The following TMEM178B variants were observed in gnomAD, a reference collection of about 807,000 sequenced individuals.
TMEM178B encodes the protein transmembrane protein 178B.
TMEM178B carries 5 observed loss-of-function variants against 31.0 expected under a neutral mutation model. The ratio of observed to expected loss-of-function variants is 0.16; its 90% CI spans 0.08 to 0.34. TMEM178B has a LOEUF of 0.34. Ranked by LOEUF, TMEM178B falls within the 10% of genes least tolerant of loss-of-function variation. TMEM178B has a pLI of 1.00. For synonymous variants in TMEM178B, 164 were observed against 164.0 expected (o/e 1.00, Z 0.00); for missense variants, 275 against 400.3 (o/e 0.69, Z 2.67).
chr7:141,311,945 C>A (rs950872327), intron 2 of TMEM178B, among the ~76,000 whole-genome samples: 2 of 152,150 alleles, frequency 1.3e-5, no homozygotes, highest in African/African-American at 4.8e-5. Context: ...GATGCATCCC[C>A]AAAGAATGTA....
chr7:141,389,433 A>G (rs1800494013), intron 2 of TMEM178B, among the ~76,000 whole-genome samples: 1 of 152,238 alleles, frequency 6.6e-6, no homozygotes, highest in Non-Finnish European at 1.5e-5. Context: ...CCATTTGTAC[A>G]GCCTAAAGGA....
intron 1 of TMEM178B, among the ~76,000 whole-genome samples, chr7:141,138,738 T>G (rs1563097674): frequency 1.3e-5 from 2 of 151,838 alleles, no homozygotes; most frequent in Non-Finnish European, 2.9e-5. Flanking sequence ...ATCCCAGCAC[T>G]TTGGGAGGCT....
intron 1 of TMEM178B, among the ~76,000 whole-genome samples, chr7:141,136,430 A>C (rs1237741430): frequency 3.9e-5 from 6 of 152,316 alleles, no homozygotes; most frequent in African/African-American, 1.2e-4. Context: ...TGATGAAAAC[A>C]TAGGGGAATT....
chr7:141,374,034 A>G (rs569983436), intron 2 of TMEM178B, among the ~76,000 whole-genome samples: 1 of 152,240 alleles, frequency 6.6e-6, no homozygotes, highest in African/African-American at 2.4e-5. Context: ...TTTATTCCTT[A>G]AAGAGTGGCT....
intron 1 of TMEM178B, among the ~76,000 whole-genome samples, chr7:141,114,784 G>C (rs1046905395): frequency 1.3e-5 from 2 of 152,178 alleles, no homozygotes; most frequent in Admixed American, 6.5e-5. Flanking sequence ...CTGCTTAAGC[G>C]GGGAATTCAG....
At chr7:141,194,507 G>A (rs1004401771) in intron 1 of TMEM178B, among the ~76,000 whole-genome samples, 13 of 152,330 alleles carry the variant, frequency 8.5e-5, no homozygotes, top group Admixed American at 8.5e-4. Flanking sequence ...AGGTCATGTT[G>A]ATGCTAGAGG....
chr7:141,455,340 C>A (rs1347861780), intron 3 of TMEM178B, among the ~76,000 whole-genome samples: 1 of 152,190 alleles, frequency 6.6e-6, no homozygotes, highest in East Asian at 1.9e-4. Flanking sequence ...CTCCTTGGGG[C>A]CACATTGGAT....
In TMEM178B at chr7:141,373,292, G is replaced by A. The variant is rs1276521099; in HGVS notation, c.497-64316G>A. Among the ~76,000 whole-genome samples the A allele has an allele frequency of 2.6e-5, 4 of 152,214 alleles. No individual in the cohort carries two copies. In the East Asian group the frequency reaches 7.7e-4, roughly 29 times the overall value. ...AGAGAAAGGTTACAGATGAGATGAAGTCTATGAGATGTGATCCTCGGACCC... is the reference window on the plus strand; with the variant it reads ...AGAGAAAGGTTACAGATGAGATGAAATCTATGAGATGTGATCCTCGGACCC... On this transcript the variant is annotated intron_variant, in intron 2 of 3. Transcript: ENST00000565468.
intron 3 of TMEM178B, among the ~76,000 whole-genome samples, chr7:141,449,051 T>A (rs1226845470): frequency 6.6e-6 from 1 of 152,164 alleles, no homozygotes; most frequent in Non-Finnish European, 1.5e-5. Context: ...TGGAATGTGA[T>A]GATGACTCCA....
chr7:141,257,708 C>T (rs4726440), intron 2 of TMEM178B, among the ~76,000 whole-genome samples: 66,941 of 151,870 alleles, frequency 0.44, 14,977 homozygotes, highest in East Asian at 0.67. Flanking sequence ...AGAAGCTCTA[C>T]GGCATATAGT....
At position 141,423,006 on chromosome 7, in the gene TMEM178B, G is replaced by A. The variant is rs1384668373; in HGVS notation, c.497-14602G>A. Reference sequence around the variant, plus strand: ...AAAATGTTCTATTAGCCACCTTACAGACACAAAAAGAAACAGGTAAAATTA... The same window carrying A: ...AAAATGTTCTATTAGCCACCTTACAAACACAAAAAGAAACAGGTAAAATTA... On this transcript the variant is annotated intron_variant, in intron 2 of 3. Coordinates refer to ENST00000565468, the MANE Select transcript of TMEM178B (RefSeq NM_001195278.2). Among the ~76,000 whole-genome samples, 4 of 152,222 alleles carry A rather than the reference G, an allele frequency of 2.6e-5. No homozygotes were observed. The East Asian group carries it at 5.8e-4, about 22-fold the overall frequency.
Position 141,344,650 on chromosome 7 carries a change from C to G in TMEM178B, c.497-92958C>G, listed in dbSNP as rs372866366. Among the ~76,000 whole-genome samples, 38 of 145,036 alleles carry G rather than the reference C, an allele frequency of 2.6e-4. No homozygotes were observed. Among genetic ancestry groups the G allele is most frequent in the Middle Eastern group, 7.0e-3 (2 of 284 alleles). On this transcript the variant is annotated intron_variant, in intron 2 of 3. Transcript: ENST00000565468. This position sits in a 1 kb window ranked among gnomAD's most constrained non-coding sequence, Gnocchi z 4.1. ...TTCCTCCCTTCCTTCTTCCCTTCAT[C>G]AAAAGACCTCTCAGAGGGAGGAACA...
intron 1 of TMEM178B, among the ~76,000 whole-genome samples, chr7:141,176,671 C>T (rs1450949080): frequency 1.3e-5 from 2 of 152,102 alleles, no homozygotes; most frequent in Non-Finnish European, 2.9e-5. Flanking sequence ...TCAATTTCTT[C>T]CTGGTTTAGT....
chr7:141,220,341 TAATAATAATAATAATAATAA>T lies in TMEM178B; in HGVS notation c.496+7646_496+7665del, dbSNP rs1162474676. On this transcript the variant is annotated intron_variant, in intron 2 of 3. Coordinates refer to ENST00000565468, the MANE Select transcript of TMEM178B (RefSeq NM_001195278.2). ...ATAATAATAATAATAATAATAATAA[TAATAATAATAATAATAATAA>T]AATAATAAATGCATGTGCATGTACA... Among the ~76,000 whole-genome samples the T allele has an allele frequency of 1.6e-3, 101 of 64,644 alleles. 1 individual carries two copies. In the South Asian group the frequency reaches 0.055, roughly 35 times the overall value. 42.4% of individuals were successfully genotyped at this position (64,644 alleles called of 152,430 possible).
chr7:141,490,074 G>A, the TMEM178B span, among the ~76,000 whole-genome samples: 4 of 152,114 alleles, frequency 2.6e-5, no homozygotes, highest in African/African-American at 9.7e-5. Flanking sequence ...TAGTGAGGAG[G>A]GGCTCCTAGG....
chr7:141,285,859 G>A (rs898671292), intron 2 of TMEM178B, among the ~76,000 whole-genome samples: 12 of 152,098 alleles, frequency 7.9e-5, no homozygotes, highest in East Asian at 1.9e-4. Flanking sequence ...ACCAAACACC[G>A]CATGTTCTCA....
chr7:141,269,381 C>T (rs927247995), intron 2 of TMEM178B, among the ~76,000 whole-genome samples: 1 of 152,142 alleles, frequency 6.6e-6, no homozygotes, highest in Non-Finnish European at 1.5e-5. Context: ...AGGCACGAGC[C>T]ACTGTGCCTG....
At chr7:141,421,309 G>C (rs139283476) in intron 2 of TMEM178B, among the ~76,000 whole-genome samples, 40 of 152,262 alleles carry the variant, frequency 2.6e-4, no homozygotes, top group African/African-American at 8.7e-4. Flanking sequence ...TTTCCACTTT[G>C]TAAAGACTGG....
In TMEM178B at chr7:141,244,247, C is replaced by T. The variant is rs116187980; in HGVS notation, c.496+31543C>T. Among the ~76,000 whole-genome samples the T allele has an allele frequency of 7.8e-3, 1,186 of 152,270 alleles. 14 individuals are homozygous for T. Among genetic ancestry groups the T allele is most frequent in the African/African-American group, 0.027 (1,138 of 41,558 alleles). On this transcript the variant is annotated intron_variant, in intron 2 of 3. Transcript: ENST00000565468. ...AAGTATGTCTATGTAACATAACTGA[C>T]GGTGTAAAACGTAACTCACGAAACA...
Sources: gnomAD v4.1 joint callset for allele counts (sites outside exome capture counted in the v4.1 genomes callset) on GRCh38, gnomAD v4.1.1 for gene constraint, Gnocchi (gnomAD v3.1) non-coding constraint, MANE v1.5 for transcripts, NCBI Gene and HGNC (gene_info 2026-07-23, HGNC 2026-07-21) for gene names.